Variants in ADK observed in about 807,000 individuals in gnomAD.
ADK encodes adenosine kinase, also known as N6,N6-dimethyladenosine kinase.
A neutral mutation model predicts 44.7 loss-of-function variants in ADK; 24 were observed. That is an observed-to-expected ratio of 0.54 (90% confidence interval 0.39 to 0.76). ADK has a LOEUF of 0.76. ADK is among the 30% of genes least tolerant of loss of function. The probability of loss-of-function intolerance (pLI) is 0.00; values close to 1 mark genes in which losing one functional copy is unlikely to be tolerated. For synonymous variants in ADK, 128 were observed against 142.6 expected, an observed-to-expected ratio of 0.90 and a Z score of 0.73; for missense variants, 321 against 425.1, an observed-to-expected ratio of 0.76 and a Z score of 2.15.
intron 4 of ADK, among the ~76,000 whole-genome samples, chr10:74,359,741 A>T (rs1311791923): frequency 2.0e-5 from 3 of 152,130 alleles, no homozygotes; most frequent in Non-Finnish European, 4.4e-5. Flanking sequence ...TAATTAAAGG[A>T]AAAAAACATT....
chr10:74,586,299 GAAC>G (rs558381255), intron 7 of ADK, among the ~76,000 whole-genome samples: 11 of 152,268 alleles, frequency 7.2e-5, no homozygotes, highest in Admixed American at 6.5e-4. Flanking sequence ...TTAAGCCACA[GAAC>G]AACAAGCTTA....
chr10:74,695,609 GTA>G (rs200390954), intron 10 of ADK, among the ~76,000 whole-genome samples: 72,568 of 132,684 alleles, frequency 0.55, 19,321 homozygotes, highest in Middle Eastern at 0.69. Context: ...CAATTCCTGT[GTA>G]TGTGTGGGGT....
chr10:74,249,871 T>C (rs1845580508), intron 3 of ADK, among the ~76,000 whole-genome samples: 1 of 152,220 alleles, frequency 6.6e-6, no homozygotes. Flanking sequence ...TTTTATACTA[T>C]GTGTAAAGCC....
intron 6 of ADK, among the ~76,000 whole-genome samples, chr10:74,439,215 A>G (rs1845306495): frequency 6.6e-6 from 1 of 152,208 alleles, no homozygotes; most frequent in Admixed American, 6.5e-5. Flanking sequence ...GTTCCACTGA[A>G]AGAGACTTGC....
chr10:74,224,084 T>C (rs10762586), intron 2 of ADK, among the ~76,000 whole-genome samples: 111,646 of 151,860 alleles, frequency 0.74, 41,713 homozygotes, highest in Middle Eastern at 0.84. Context: ...TCTCAACAAA[T>C]AAACAAACAA....
chr10:74,462,216 G>GA (rs1165351166), intron 6 of ADK, among the ~76,000 whole-genome samples: 7 of 151,906 alleles, frequency 4.6e-5, no homozygotes, highest in Non-Finnish European at 8.8e-5. Context: ...ATCATTAATA[G>GA]ATTTTTATAT....
intron 3 of ADK, among the ~76,000 whole-genome samples, chr10:74,275,226 G>A (rs1309491324): frequency 6.6e-6 from 1 of 152,120 alleles, no homozygotes. Flanking sequence ...CCTAGGAAGG[G>A]AGTTTAAGAC....
Position 74,394,024 on chromosome 10 carries a change from CATA to C in ADK, c.274-115_274-113del, listed in dbSNP as rs1843424882. ...GATAGCACAGAATTGAAATCCCATT[CATA>C]ACAGCTACAGTTTCTCACAAAGCAT... is the stretch of plus-strand genomic sequence containing the variant. On this transcript the variant is annotated intron_variant, in intron 4 of 10. Coordinates refer to ENST00000539909, the MANE Select transcript of ADK (RefSeq NM_006721.4). 4 of 1,048,876 alleles carry C rather than the reference CATA, an allele frequency of 3.8e-6. No individual in the cohort carries two copies. In the East Asian group the frequency reaches 9.5e-5, roughly 25 times the overall value. The allele number at this position is 1,048,876 out of a possible 1,614,324, so 65.0% of individuals were successfully genotyped here. A position where few individuals can be genotyped will look rare whatever the true frequency, so the allele number is the denominator to read the frequency against.
At chr10:74,455,933 T>G (rs1471930755) in intron 6 of ADK, among the ~76,000 whole-genome samples, 1 of 152,166 alleles carries the variant, frequency 6.6e-6, no homozygotes, top group African/African-American at 2.4e-5. Context: ...CGCTTAACAT[T>G]TTTTCCTTCA....
intron 9 of ADK, among the ~76,000 whole-genome samples, chr10:74,607,910 C>G (rs934403707): frequency 6.6e-6 from 1 of 151,950 alleles, no homozygotes; most frequent in Non-Finnish European, 1.5e-5. Context: ...TCCCATATTT[C>G]TTGGAGGTTT....
intron 3 of ADK, among the ~76,000 whole-genome samples, chr10:74,258,440 T>C (rs1845909581): frequency 6.6e-6 from 1 of 152,178 alleles, no homozygotes; most frequent in African/African-American, 2.4e-5. Context: ...AACTTGTTGC[T>C]TCTATTTTCT....
chr10:74,546,225 A>T (rs1836319460), intron 7 of ADK, among the ~76,000 whole-genome samples: 5 of 152,224 alleles, frequency 3.3e-5, no homozygotes, highest in Admixed American at 3.3e-4. Context: ...GGTGAAAGTA[A>T]TATAAACTTA....
At chr10:74,602,125 A>C (rs1852155968) in intron 9 of ADK, among the ~76,000 whole-genome samples, 3 of 150,822 alleles carry the variant, frequency 2.0e-5, no homozygotes, top group Non-Finnish European at 1.5e-5. Flanking sequence ...AAAAAAAAAA[A>C]AAAAGAACGG....
intron 4 of ADK, among the ~76,000 whole-genome samples, chr10:74,369,736 A>G (rs1842601347): frequency 6.6e-6 from 1 of 152,206 alleles, no homozygotes; most frequent in Non-Finnish European, 1.5e-5. Context: ...GAATAAGACA[A>G]GGATGTCTAC....
intron 6 of ADK, among the ~76,000 whole-genome samples, chr10:74,511,956 T>G (rs1008796597): frequency 3.3e-5 from 5 of 152,206 alleles, no homozygotes; most frequent in Non-Finnish European, 7.4e-5. Flanking sequence ...TTCAACATGT[T>G]ATTATGTTGA....
At chr10:74,331,836 A>G (rs1160178478) in intron 4 of ADK, among the ~76,000 whole-genome samples, 1 of 152,072 alleles carries the variant, frequency 6.6e-6, no homozygotes, top group Non-Finnish European at 1.5e-5. Context: ...TAGCTGGATC[A>G]TATTTCTTAA....
At chr10:74,515,476 A>T (rs1848531213) in intron 6 of ADK, among the ~76,000 whole-genome samples, 1 of 152,222 alleles carries the variant, frequency 6.6e-6, no homozygotes, top group South Asian at 2.1e-4. Flanking sequence ...ACCTGGGGAC[A>T]TGCCTGCCAG....
In ADK at chr10:74,399,849, A is replaced by G. The variant is rs528403935; in HGVS notation, c.555+1270A>G. On this transcript the variant is annotated intron_variant, in intron 6 of 10. Coordinates refer to ENST00000539909, the MANE Select transcript of ADK (RefSeq NM_006721.4). ...AGACAGTGTATTCTGATGAAAAAGT[A>G]TATTTAACTTGACAATTACAGTCTT... 2.6e-5 allele frequency among the ~76,000 whole-genome samples: 4 copies of G among 152,252 alleles called. No individual in the cohort carries two copies. In the East Asian group the frequency reaches 5.8e-4, roughly 22 times the overall value.
chr10:74,505,903 G>A (rs1278510105), intron 6 of ADK, among the ~76,000 whole-genome samples: 1 of 152,030 alleles, frequency 6.6e-6, no homozygotes, highest in East Asian at 1.9e-4. Flanking sequence ...GGTGACCCGG[G>A]GCATTGTTCA....
Sources: allele counts gnomAD v4.1 joint callset (sites outside exome capture counted in the v4.1 genomes callset), GRCh38; gene constraint gnomAD v4.1.1; transcripts MANE v1.5; gene names NCBI Gene and HGNC (gene_info 2026-07-23, HGNC 2026-07-21).